The following SASH1 variants were observed in gnomAD, a reference collection of about 807,000 sequenced individuals.
The protein encoded by SASH1 is SAM and SH3 domain-containing protein 1.
A neutral mutation model predicts 125.2 loss-of-function variants in SASH1; 44 were observed. The observed-to-expected ratio is 0.35, with a 90% CI of 0.28 to 0.45. SASH1 has a LOEUF of 0.45. Among genes scored for constraint, SASH1 ranks in the 20% least tolerant of loss-of-function variants. SASH1 has a pLI of 1.00. For missense variants in SASH1, 1,426 were observed against 1,614.5 expected, an observed-to-expected ratio of 0.88 and a Z score of 2.00; for synonymous variants, 639 against 649.1, an observed-to-expected ratio of 0.98 and a Z score of 0.24.
intron 4 of SASH1, among the ~76,000 whole-genome samples, chr6:148,459,441 C>T (rs1394475275): frequency 6.6e-6 from 1 of 152,210 alleles, no homozygotes; most frequent in East Asian, 1.9e-4. Flanking sequence ...AGATGTGAAA[C>T]TCTTTAAGTT....
intron 1 of SASH1, among the ~76,000 whole-genome samples, chr6:148,388,207 G>T (rs942591994): frequency 1.3e-5 from 2 of 152,112 alleles, no homozygotes; most frequent in African/African-American, 2.4e-5. Context: ...GAGCCCCTGC[G>T]CCCGGCCCAG....
intron 1 of SASH1, among the ~76,000 whole-genome samples, chr6:148,301,817 G>A (rs1779954245): frequency 7.9e-6 from 1 of 127,176 alleles, no homozygotes; most frequent in African/African-American, 3.0e-5. Context: ...TGCCCAGGCT[G>A]AACTTGTGAG....
At chr6:148,546,921 T>C (rs1782607157) in intron 19 of SASH1, among the ~76,000 whole-genome samples, 1 of 152,010 alleles carries the variant, frequency 6.6e-6, no homozygotes, top group African/African-American at 2.4e-5. Flanking sequence ...TACAGTAGTC[T>C]CCCCCTATCC....
intron 1 of SASH1, among the ~76,000 whole-genome samples, chr6:148,294,180 T>C (rs565600555): frequency 1.3e-5 from 2 of 152,172 alleles, no homozygotes; most frequent in African/African-American, 4.8e-5. Context: ...CACAAAAAAA[T>C]TCGGGTCCAT....
intron 17 of SASH1, among the ~76,000 whole-genome samples, chr6:148,542,744 A>G (rs937461095): frequency 2.0e-5 from 3 of 152,246 alleles, no homozygotes; most frequent in Admixed American, 6.5e-5. Flanking sequence ...CAACAATAAT[A>G]TCCTACAAAT....
intron 2 of SASH1, among the ~76,000 whole-genome samples, chr6:148,416,788 G>A (rs1031927111): frequency 6.6e-6 from 1 of 152,188 alleles, no homozygotes; most frequent in African/African-American, 2.4e-5. Flanking sequence ...ACCATTCTTA[G>A]CAACCTTGGG....
intron 1 of SASH1, among the ~76,000 whole-genome samples, chr6:148,361,914 C>CTTTTTTTTT (rs745596285): frequency 8.0e-6 from 1 of 125,514 alleles, no homozygotes; most frequent in African/African-American, 3.0e-5. Context: ...TTTTCTTTTT[C>CTTTTTTTTT]TTTTTTTTTT....
intron 1 of SASH1, among the ~76,000 whole-genome samples, chr6:148,290,349 G>A (rs868229779): frequency 1.1e-4 from 16 of 150,594 alleles, no homozygotes; most frequent in Non-Finnish European, 1.5e-5. Flanking sequence ...GCTCATGCCT[G>A]TAATCCCAGC....
At chr6:148,212,873 AGG>A in the SASH1 span, among the ~76,000 whole-genome samples, 1 of 152,158 alleles carries the variant, frequency 6.6e-6, no homozygotes, top group Admixed American at 6.5e-5. Flanking sequence ...TAACAGAGTG[AGG>A]CTTGAACCCA....
At chr6:148,491,589 G>T (rs971773377) in intron 8 of SASH1, among the ~76,000 whole-genome samples, 1 of 152,048 alleles carries the variant, frequency 6.6e-6, no homozygotes, top group Non-Finnish European at 1.5e-5. Context: ...ATTCTTCCTG[G>T]CTGCCTTAAG....
At chr6:148,354,491 T>C (rs1408098614) in intron 1 of SASH1, among the ~76,000 whole-genome samples, 2 of 152,180 alleles carry the variant, frequency 1.3e-5, no homozygotes, top group Non-Finnish European at 2.9e-5. Flanking sequence ...TTTGTTTTGT[T>C]TTGTAGACTC....
chr6:148,499,057 G>GTTTTTTT (rs4052628), intron 8 of SASH1, among the ~76,000 whole-genome samples: 20 of 127,074 alleles, frequency 1.6e-4, no homozygotes, highest in African/African-American at 4.0e-4. Flanking sequence ...TCTTTTTTTT[G>GTTTTTTT]TTTTTTTTTT....
At chr6:148,369,692 G>A (rs1782631096) in intron 1 of SASH1, among the ~76,000 whole-genome samples, 1 of 152,034 alleles carries the variant, frequency 6.6e-6, no homozygotes, top group Admixed American at 6.6e-5. Context: ...GGTGACTCAT[G>A]CCTGCGATCC....
intron 17 of SASH1, 108 bp downstream of exon 17, chr6:148,540,664 C>G (rs1343278540): frequency 1.2e-6 from 1 of 811,768 alleles, no homozygotes; most frequent in African/African-American, 1.7e-5. Context: ...CAGCAATCAT[C>G]GTTTCCTTTC....
chr6:148,514,575 T>C (rs1780337965), intron 9 of SASH1, 119 bp downstream of exon 9: 2 of 1,233,674 alleles, frequency 1.6e-6, no homozygotes, highest in Admixed American at 3.2e-5. Flanking sequence ...GGAAAATGCA[T>C]TGAGCTCTGG....
the SASH1 span, among the ~76,000 whole-genome samples, chr6:148,223,666 A>C: frequency 6.6e-6 from 1 of 152,340 alleles, no homozygotes; most frequent in South Asian, 2.1e-4. Context: ...GAATATATGC[A>C]ATGAGATAAA....
chr6:148,300,203 C>T (rs1159450951), intron 1 of SASH1, among the ~76,000 whole-genome samples: 1 of 152,132 alleles, frequency 6.6e-6, no homozygotes, highest in Admixed American at 6.6e-5. Flanking sequence ...TTAGTATGAT[C>T]AGATTCACAA....
At chr6:148,436,031 C>CT (rs1233507285) in intron 2 of SASH1, among the ~76,000 whole-genome samples, 2 of 152,150 alleles carry the variant, frequency 1.3e-5, no homozygotes, top group Non-Finnish European at 2.9e-5. Context: ...ATTTTGAAAA[C>CT]TCATGAGCAG....
chr6:148,365,344 T>C (rs540364649), intron 1 of SASH1, among the ~76,000 whole-genome samples: 22 of 152,312 alleles, frequency 1.4e-4, no homozygotes, highest in African/African-American at 5.1e-4. Flanking sequence ...ATCAGTCATT[T>C]GACATTTACA....
Sources: gnomAD v4.1 joint callset for allele counts (sites outside exome capture counted in the v4.1 genomes callset) on GRCh38, gnomAD v4.1.1 for gene constraint, MANE v1.5 for transcripts, NCBI Gene and HGNC (gene_info 2026-07-23, HGNC 2026-07-21) for gene names.